MSI2: variants seen among roughly 807,000 people sequenced by gnomAD.
The protein encoded by MSI2 is musashi RNA binding protein 2.
In MSI2, 17 loss-of-function variants were observed where a neutral mutation model predicts 45.6. The observed-to-expected ratio is 0.37, with a 90% confidence interval of 0.26 to 0.56. The LOEUF (loss-of-function observed/expected upper bound fraction) is 0.56. MSI2 is among the 20% of genes least tolerant of loss of function. MSI2 has a pLI of 0.77. For missense variants in MSI2, 293 were observed against 444.2 expected (o/e 0.66, Z 3.06); for synonymous variants, 156 against 158.2 (o/e 0.99, Z 0.11).
chr17:57,550,514 G>A (rs1328943280), intron 7 of MSI2, among the ~76,000 whole-genome samples: 1 of 152,162 alleles, frequency 6.6e-6, no homozygotes, highest in Non-Finnish European at 1.5e-5. Flanking sequence ...GATTTGGGGG[G>A]GTCACAGGGA....
At chr17:57,482,917 A>G (rs1224051174) in intron 6 of MSI2, among the ~76,000 whole-genome samples, 1 of 152,192 alleles carries the variant, frequency 6.6e-6, no homozygotes, top group Non-Finnish European at 1.5e-5. Context: ...TCCATGTAGG[A>G]ATTGACTAAA....
chr17:57,289,293 G>A (rs1403001597), intron 5 of MSI2, among the ~76,000 whole-genome samples: 1 of 152,060 alleles, frequency 6.6e-6, no homozygotes, highest in African/African-American at 2.4e-5. Flanking sequence ...TTTTTGGAGT[G>A]GGAACTTCTT....
intron 7 of MSI2, among the ~76,000 whole-genome samples, chr17:57,568,171 G>C (rs1433291395): frequency 6.6e-6 from 1 of 152,202 alleles, no homozygotes; most frequent in Non-Finnish European, 1.5e-5. Flanking sequence ...GTGAGGACAT[G>C]AACCTTCTTC....
intron 6 of MSI2, among the ~76,000 whole-genome samples, chr17:57,451,115 A>C (rs1057423537): frequency 1.3e-4 from 20 of 152,132 alleles, no homozygotes; most frequent in Non-Finnish European, 2.4e-4. Context: ...CCAGAGGAGC[A>C]AAGTGTTGGG....
intron 5 of MSI2, among the ~76,000 whole-genome samples, chr17:57,353,269 T>G (rs933703593): frequency 6.6e-6 from 1 of 152,202 alleles, no homozygotes; most frequent in South Asian, 2.1e-4. Flanking sequence ...GGGTTTTCAC[T>G]TGTACCCACT....
At chr17:57,603,176 G>T (rs1386171204) in intron 8 of MSI2, among the ~76,000 whole-genome samples, 5 of 152,234 alleles carry the variant, frequency 3.3e-5, no homozygotes, top group African/African-American at 1.2e-4. Context: ...CCCAGAGGAA[G>T]CTCTCAGTGC....
At chr17:57,561,834 G>A (rs888395581) in intron 7 of MSI2, among the ~76,000 whole-genome samples, 2 of 152,174 alleles carry the variant, frequency 1.3e-5, no homozygotes, top group African/African-American at 4.8e-5. Flanking sequence ...CTAAGCAATA[G>A]CAGGTGGCAG....
chr17:57,331,127 T>G (rs866576090), intron 5 of MSI2, among the ~76,000 whole-genome samples: 4 of 152,146 alleles, frequency 2.6e-5, no homozygotes, highest in Admixed American at 6.5e-5. Flanking sequence ...TTGGCCAGGC[T>G]GGTCTCGAAC....
intron 5 of MSI2, among the ~76,000 whole-genome samples, chr17:57,339,805 C>T (rs1914983177): frequency 6.6e-6 from 1 of 152,106 alleles, no homozygotes; most frequent in South Asian, 2.1e-4. Context: ...TCCTGACTCC[C>T]AGAAACTTTT....
rs552223208 is a variant in MSI2, at chr17:57,669,148, T to TG, written c.791-5823dup. Among the ~76,000 whole-genome samples the TG allele has an allele frequency of 9.2e-5, 14 of 152,366 alleles. No individual in the cohort carries two copies. The South Asian group carries it at 2.3e-3, about 25-fold the overall frequency. On this transcript the variant is annotated intron_variant, in intron 11 of 13. Transcript: ENST00000284073. Reference sequence around the variant, plus strand: ...AGAAATAGATTTTGTCTTTTCATGCTGACCTTTCCCATTTGACCATCTGCA... The same window carrying TG: ...AGAAATAGATTTTGTCTTTTCATGCTGGACCTTTCCCATTTGACCATCTGCA...
chr17:57,671,250 A>T (rs16942143), intron 11 of MSI2, among the ~76,000 whole-genome samples: 27,353 of 152,232 alleles, frequency 0.18, 2,927 homozygotes, highest in East Asian at 0.38. Context: ...CCTGCTGCAA[A>T]AATGCCAAGA....
rs17761256 is a variant in MSI2, at chr17:57,307,043, A to G, written c.312+44851A>G. Reference sequence around the variant, plus strand: ...GATACATTTGTGCAGTTTTTGAGGAACATTTTGAGCTTCGGATGCCTGCTT... The same window carrying G: ...GATACATTTGTGCAGTTTTTGAGGAGCATTTTGAGCTTCGGATGCCTGCTT... On this transcript the variant is annotated intron_variant, in intron 5 of 13. Coordinates refer to ENST00000284073, the MANE Select transcript of MSI2 (RefSeq NM_138962.4). Among the ~76,000 whole-genome samples the G allele has an allele frequency of 9.8e-3, 1,488 of 152,298 alleles. 16 individuals are homozygous for G. The highest frequency in any genetic ancestry group is 0.02 in the Middle Eastern group (6 of 294).
At chr17:57,689,899 T>C in the MSI2 span, among the ~76,000 whole-genome samples, 1 of 152,216 alleles carries the variant, frequency 6.6e-6, no homozygotes, top group Non-Finnish European at 1.5e-5. Context: ...TATATAGATA[T>C]ACCCAATTTG....
chr17:57,685,333 T>C (rs1460400019), downstream of MSI2, among the ~76,000 whole-genome samples: 2 of 152,158 alleles, frequency 1.3e-5, no homozygotes, highest in Admixed American at 6.5e-5. Context: ...AATCAGTGGA[T>C]TCCTCAGCTT....
chr17:57,358,198 TGGGGGG>T (rs56318280), intron 5 of MSI2, among the ~76,000 whole-genome samples: 5 of 147,620 alleles, frequency 3.4e-5, no homozygotes, highest in African/African-American at 9.8e-5. Flanking sequence ...TCTGTGTGTG[TGGGGGG>T]GTGTGTGTGT....
intron 6 of MSI2, among the ~76,000 whole-genome samples, chr17:57,495,044 C>T (rs1347869538): frequency 6.6e-6 from 1 of 152,124 alleles, no homozygotes; most frequent in Non-Finnish European, 1.5e-5. Flanking sequence ...AATTTTACAT[C>T]AGCTGACCAG....
intron 5 of MSI2, among the ~76,000 whole-genome samples, chr17:57,392,217 T>A (rs1598207943): frequency 6.6e-6 from 1 of 152,324 alleles, no homozygotes; most frequent in East Asian, 1.9e-4. Context: ...TCAGTGCTAC[T>A]GTTTAGGATA....
intron 10 of MSI2, among the ~76,000 whole-genome samples, chr17:57,649,343 C>T (rs1039463642): frequency 1.3e-5 from 2 of 151,694 alleles, no homozygotes; most frequent in Non-Finnish European, 2.9e-5. Context: ...TCCACATACG[C>T]CCAACACATA....
chr17:57,642,119 AG>A (rs34818307), intron 10 of MSI2, among the ~76,000 whole-genome samples: 1 of 152,224 alleles, frequency 6.6e-6, no homozygotes, highest in African/African-American at 2.4e-5. Flanking sequence ...CTCTGAAGTC[AG>A]GGATCTGTCC....
Sources: allele counts gnomAD v4.1 joint callset (sites outside exome capture counted in the v4.1 genomes callset), GRCh38; gene constraint gnomAD v4.1.1; transcripts MANE v1.5; gene names NCBI Gene and HGNC (gene_info 2026-07-23, HGNC 2026-07-21).